Variants in AP1B1 observed in about 807,000 individuals in gnomAD.
AP1B1 encodes the protein AP-1 complex subunit beta-1.
AP1B1 carries 36 observed loss-of-function variants against 104.3 expected under a neutral mutation model. The observed-to-expected ratio is 0.35, with a 90% CI of 0.26 to 0.46. AP1B1 has a LOEUF of 0.46. AP1B1 is among the 20% of genes least tolerant of loss of function. The probability of loss-of-function intolerance (pLI) is 1.00; values close to 1 mark genes in which losing one functional copy is unlikely to be tolerated. For missense variants in AP1B1, 901 were observed against 1,247.9 expected (o/e 0.72, Z 4.19); for synonymous variants, 504 against 517.5 (o/e 0.97, Z 0.35).
At chr22:29,383,690 C>CAA (rs35180572) in intron 1 of AP1B1, among the ~76,000 whole-genome samples, 14 of 89,750 alleles carry the variant, frequency 1.6e-4, no homozygotes, top group South Asian at 3.7e-4. Context: ...GACTCCGTCT[C>CAA]AAAAAAAAAA....
chr22:29,337,060 G>A (rs947800483), intron 16 of AP1B1, among the ~76,000 whole-genome samples: 1 of 152,204 alleles, frequency 6.6e-6, no homozygotes, highest in Non-Finnish European at 1.5e-5. Flanking sequence ...CATGCTGTAC[G>A]TTATGCCGCG....
At chr22:29,351,150 G>A in intron 9 of AP1B1, 21 bp downstream of exon 9, 1 of 1,597,630 alleles carries the variant, frequency 6.3e-7, no homozygotes, top group Non-Finnish European at 8.6e-7. Context: ...TCCAGCCAAG[G>A]ACAGAGTCCC....
At chr22:29,350,414 C>A (rs2061856344) in intron 9 of AP1B1, among the ~76,000 whole-genome samples, 1 of 152,172 alleles carries the variant, frequency 6.6e-6, no homozygotes, top group Admixed American at 6.5e-5. Context: ...CTTGGAGCTC[C>A]TCTAAGTCAG....
At chr22:29,354,905 A>C in intron 6 of AP1B1, 34 bp from the exon 7 acceptor site, 1 of 1,575,772 alleles carries the variant, frequency 6.3e-7, no homozygotes, top group Non-Finnish European at 8.7e-7. Context: ...GGCAAACAGG[A>C]AAGACAAGGG....
Position 29,328,856 on chromosome 22 carries a change from C to T in AP1B1, c.2815G>A (p.Val939Met), listed in dbSNP as rs375110004. 1.3e-5 allele frequency: 21 copies of T among 1,609,328 alleles called. No individual in the cohort carries two copies. The highest frequency in any genetic ancestry group is 1.2e-4 in the African/African-American group (9 of 74,842). The change falls in exon 23 of 23, where the codon GTG becomes ATG. Residue 939 changes from valine (V) to methionine (M), a missense_variant. This residue lies in a region of AP1B1 where 424 missense variants were observed against 494.0 expected (regional missense o/e 0.86). Coordinates refer to ENST00000357586, the MANE Select transcript of AP1B1 (RefSeq NM_001127.4). The surrounding 1 kb of genome is among the most constrained non-coding windows in gnomAD (Gnocchi z 4.1). ...AGGATGGTCTCGTAGGCCTGGTACA[C>T]GTGCTGGGACACCTCTGGTGCTCGA... ...KCRAPEVSQH[V>M]YQAYETILKN
At chr22:29,362,255 C>G (rs945216505) in intron 3 of AP1B1, among the ~76,000 whole-genome samples, 1 of 152,218 alleles carries the variant, frequency 6.6e-6, no homozygotes, top group Non-Finnish European at 1.5e-5. Context: ...CCAATCTGCA[C>G]GTGTGTTTTA....
intron 6 of AP1B1, 39 bp from the exon 7 acceptor site, chr22:29,354,910 C>T: frequency 1.3e-6 from 2 of 1,558,574 alleles, no homozygotes; most frequent in Non-Finnish European, 1.8e-6. Context: ...ACAGGAAAGA[C>T]AAGGGGAAAC....
In AP1B1 at chr22:29,329,597, G is replaced by C. The variant is rs918146560; in HGVS notation, c.2775+115C>G. The C allele has an allele frequency of 3.9e-6, 6 of 1,555,958 alleles. No homozygotes were observed. The South Asian group carries it at 6.1e-5, about 16-fold the overall frequency. ...CAGGGCCACCTGGCTGAAGCCCCCC[G>C]GGTGAGGTGAGGCCAAGAGATGAGG... On this transcript the variant is annotated intron_variant, in intron 22 of 22. Transcript: ENST00000357586.
In AP1B1 at chr22:29,342,275, G is replaced by A. The variant is rs1224993913; in HGVS notation, c.1536+10C>T. The A allele has an allele frequency of 6.2e-7, 1 of 1,611,612 alleles. No individual in the cohort carries two copies. The highest frequency in any genetic ancestry group is 1.1e-5 in the South Asian group (1 of 90,890). On this transcript the variant is annotated intron_variant, in intron 12 of 22. Coordinates refer to ENST00000357586, the MANE Select transcript of AP1B1 (RefSeq NM_001127.4). ...TATGCTGGGCACAGCGGGGAGGTTG[G>A]GGCACCCACCTGAGTGGCCAAACTG...
At chr22:29,331,746 GGTGA>G (rs755652925) in intron 18 of AP1B1, 37 bp downstream of exon 18, 26 of 1,614,138 alleles carry the variant, frequency 1.6e-5, no homozygotes, top group Middle Eastern at 1.6e-4. Context: ...CCGGCTGGTA[GGTGA>G]GTAAGGACTG....
At chr22:29,337,543 T>C (rs1289927728) in intron 16 of AP1B1, among the ~76,000 whole-genome samples, 1 of 152,136 alleles carries the variant, frequency 6.6e-6, no homozygotes, top group African/African-American at 2.4e-5. Context: ...CCGCCAACTG[T>C]ATCCTGCTTT....
At chr22:29,349,176 C>T in intron 11 of AP1B1, 42 bp downstream of exon 11, 2 of 1,601,924 alleles carry the variant, frequency 1.2e-6, no homozygotes, top group Non-Finnish European at 1.7e-6. Flanking sequence ...TGGGGCTGAG[C>T]TGCCAGTCAT....
At chr22:29,380,869 G>A (rs1327143714) in intron 1 of AP1B1, among the ~76,000 whole-genome samples, 2 of 152,074 alleles carry the variant, frequency 1.3e-5, no homozygotes, top group Non-Finnish European at 2.9e-5. Context: ...GTCTTCCAAC[G>A]GTTCTCTGTC....
chr22:29,351,675 C>T (rs781562803), intron 8 of AP1B1, 30 bp downstream of exon 8: 2 of 1,611,604 alleles, frequency 1.2e-6, no homozygotes, highest in East Asian at 4.5e-5. Context: ...CCACACTGAG[C>T]CCGTGTCCTG....
chr22:29,385,134 C>T (rs2062501417), intron 1 of AP1B1, among the ~76,000 whole-genome samples: 1 of 152,124 alleles, frequency 6.6e-6, no homozygotes, highest in African/African-American at 2.4e-5. Context: ...CCTGTAATCC[C>T]AGCACTTTGG....
At chr22:29,382,215 TA>T (rs1318928090) in intron 1 of AP1B1, among the ~76,000 whole-genome samples, 1 of 152,058 alleles carries the variant, frequency 6.6e-6, no homozygotes, top group African/African-American at 2.4e-5. Context: ...CATGCCCAGC[TA>T]ATCTTTTCAA....
chr22:29,365,622 A>G (rs184670536), intron 2 of AP1B1, among the ~76,000 whole-genome samples: 48 of 152,048 alleles, frequency 3.2e-4, no homozygotes, highest in Non-Finnish European at 4.4e-4. Flanking sequence ...TCTTTTTTCA[A>G]TTAGTTGCCC....
chr22:29,367,936 T>C (rs1477781980), intron 1 of AP1B1, among the ~76,000 whole-genome samples: 1 of 152,168 alleles, frequency 6.6e-6, no homozygotes, highest in Non-Finnish European at 1.5e-5. Flanking sequence ...CAAATCTACC[T>C]GGCCAGTTTT....
chr22:29,343,099 G>A (rs1442326690), intron 11 of AP1B1, among the ~76,000 whole-genome samples: 1 of 152,252 alleles, frequency 6.6e-6, no homozygotes, highest in Non-Finnish European at 1.5e-5. Context: ...GCCCAATCTA[G>A]TGCCTGGTGT....
Sources: gnomAD v4.1 joint callset for allele counts (sites outside exome capture counted in the v4.1 genomes callset) on GRCh38, gnomAD v4.1.1 for gene constraint, gnomAD v4.1.1 regional missense constraint, Gnocchi (gnomAD v3.1) non-coding constraint, MANE v1.5 for transcripts, NCBI Gene and HGNC (gene_info 2026-07-23, HGNC 2026-07-21) for gene names.